The following KCNIP4 variants were observed in gnomAD, a reference collection of about 807,000 sequenced individuals.
KCNIP4 encodes the protein potassium voltage-gated channel interacting protein 4.
A neutral mutation model predicts 34.0 loss-of-function variants in KCNIP4; 12 were observed. The observed-to-expected ratio is 0.35, with a 90% CI of 0.23 to 0.57. KCNIP4 has a LOEUF of 0.57. Among genes scored for constraint, KCNIP4 ranks in the 20% least tolerant of loss-of-function variants. The pLI is 0.83. For missense variants in KCNIP4, 238 were observed against 311.7 expected (o/e 0.76, Z 1.78); for synonymous variants, 124 against 102.2 (o/e 1.21, Z -1.29).
chr4:21,105,600 C>A (rs1029426148), intron 1 of KCNIP4, among the ~76,000 whole-genome samples: 1 of 151,554 alleles, frequency 6.6e-6, no homozygotes, highest in African/African-American at 2.4e-5. Flanking sequence ...CTTCTCCTGC[C>A]TAATTGCCCT....
chr4:21,159,060 C>T (rs1048896080), intron 1 of KCNIP4, among the ~76,000 whole-genome samples: 1 of 152,086 alleles, frequency 6.6e-6, no homozygotes, highest in Non-Finnish European at 1.5e-5. Flanking sequence ...AAAATCCAAA[C>T]CAAACTCACA....
chr4:21,221,022 A>G (rs1456632468), intron 1 of KCNIP4, among the ~76,000 whole-genome samples: 1 of 152,186 alleles, frequency 6.6e-6, no homozygotes, highest in Non-Finnish European at 1.5e-5. Context: ...CAAGCCTCCA[A>G]GGTATTTAAA....
intron 1 of KCNIP4, among the ~76,000 whole-genome samples, chr4:21,442,015 C>T (rs1326015537): frequency 6.6e-6 from 1 of 152,202 alleles, no homozygotes. Flanking sequence ...CTACTTTCCA[C>T]TGCTTAATTA....
intron 1 of KCNIP4, among the ~76,000 whole-genome samples, chr4:21,417,472 C>G (rs1398626023): frequency 2.0e-5 from 3 of 152,032 alleles, no homozygotes; most frequent in Admixed American, 2.0e-4. Flanking sequence ...TGTGAATTTC[C>G]TCCCGTTTTG....
intron 1 of KCNIP4, among the ~76,000 whole-genome samples, chr4:21,431,506 T>A (rs1726444997): frequency 6.6e-6 from 1 of 152,054 alleles, no homozygotes; most frequent in South Asian, 2.1e-4. Flanking sequence ...AAGACATTCA[T>A]AAATGGTAGT....
At chr4:20,753,970 A>C (rs2149350037) in intron 4 of KCNIP4, among the ~76,000 whole-genome samples, 1 of 152,282 alleles carries the variant, frequency 6.6e-6, no homozygotes, top group African/African-American at 2.4e-5. Context: ...AGTGTAGACA[A>C]CATAAGTGCA....
At chr4:21,791,393 A>G (rs1720273838) in intron 1 of KCNIP4, among the ~76,000 whole-genome samples, 2 of 152,178 alleles carry the variant, frequency 1.3e-5, no homozygotes, top group African/African-American at 4.8e-5. Flanking sequence ...TGCGGGGCAG[A>G]AGGTAGAGGG....
At chr4:21,282,430 T>C (rs1762833668) in intron 1 of KCNIP4, among the ~76,000 whole-genome samples, 2 of 151,460 alleles carry the variant, frequency 1.3e-5, no homozygotes, top group South Asian at 2.1e-4. Flanking sequence ...ATTTGTGATG[T>C]GTTAAAGACT....
intron 1 of KCNIP4, among the ~76,000 whole-genome samples, chr4:20,991,115 C>T (rs1283691140): frequency 1.3e-5 from 2 of 152,178 alleles, no homozygotes; most frequent in African/African-American, 4.8e-5. Context: ...TGGGACTTGA[C>T]TTCAAGAATT....
chr4:20,765,091 G>A (rs1755282505), intron 3 of KCNIP4, among the ~76,000 whole-genome samples: 1 of 152,164 alleles, frequency 6.6e-6, no homozygotes, highest in Admixed American at 6.5e-5. Context: ...GTTATTTAAT[G>A]CCTTCTAAGT....
chr4:21,211,391 T>C (rs1757211191), intron 1 of KCNIP4, among the ~76,000 whole-genome samples: 1 of 152,200 alleles, frequency 6.6e-6, no homozygotes, highest in Non-Finnish European at 1.5e-5. Flanking sequence ...CATTACTGCC[T>C]GAGCTCTACC....
chr4:21,456,466 C>A (rs962635014), intron 1 of KCNIP4, among the ~76,000 whole-genome samples: 6 of 148,030 alleles, frequency 4.1e-5, no homozygotes, highest in African/African-American at 1.6e-4. Flanking sequence ...AATGTACTAC[C>A]CACCTATATA....
At chr4:21,149,783 T>A (rs1752629521) in intron 1 of KCNIP4, among the ~76,000 whole-genome samples, 1 of 151,796 alleles carries the variant, frequency 6.6e-6, no homozygotes, top group Admixed American at 6.6e-5. Context: ...GCATTGGAAA[T>A]GAACAGGGAT....
intron 1 of KCNIP4, among the ~76,000 whole-genome samples, chr4:21,863,613 A>C (rs1725239747): frequency 6.6e-6 from 1 of 152,206 alleles, no homozygotes; most frequent in Non-Finnish European, 1.5e-5. Flanking sequence ...CAATGCATGA[A>C]GAGAATGAGG....
intron 1 of KCNIP4, among the ~76,000 whole-genome samples, chr4:21,683,749 A>C (rs960405935): frequency 1.3e-5 from 2 of 152,274 alleles, no homozygotes; most frequent in African/African-American, 4.8e-5. Context: ...GCCAGTTAAA[A>C]AACAATGCTT....
chr4:20,785,337 T>C (rs1391629267), intron 3 of KCNIP4, among the ~76,000 whole-genome samples: 2 of 151,502 alleles, frequency 1.3e-5, no homozygotes, highest in Non-Finnish European at 2.9e-5. Flanking sequence ...TCTTTTTTTT[T>C]TTTTTTGCTA....
chr4:21,530,734 GTTTA>G (rs1322821950), intron 1 of KCNIP4, among the ~76,000 whole-genome samples: 1 of 152,048 alleles, frequency 6.6e-6, no homozygotes, highest in Non-Finnish European at 1.5e-5. Context: ...TAATTTATTT[GTTTA>G]TTCATTCAGT....
intron 1 of KCNIP4, among the ~76,000 whole-genome samples, chr4:21,168,788 C>T (rs1753809236): frequency 6.6e-6 from 1 of 152,098 alleles, no homozygotes; most frequent in South Asian, 2.1e-4. Context: ...GCATATCTGC[C>T]TCTGCCTTCA....
chr4:21,262,215 G>C (rs1469807001), intron 1 of KCNIP4, among the ~76,000 whole-genome samples: 1 of 151,944 alleles, frequency 6.6e-6, no homozygotes, highest in Non-Finnish European at 1.5e-5. Flanking sequence ...TTCAGGTCTT[G>C]GTTTTGATGT....
Sources: gnomAD v4.1 joint callset for allele counts (sites outside exome capture counted in the v4.1 genomes callset) on GRCh38, gnomAD v4.1.1 for gene constraint, MANE v1.5 for transcripts, NCBI Gene and HGNC (gene_info 2026-07-23, HGNC 2026-07-21) for gene names.